The following TARBP1 variants were observed in gnomAD, a reference collection of about 807,000 sequenced individuals.
TARBP1 encodes the protein tRNA guanosine 2 -O-methyltransferase TARBP1.
A neutral mutation model predicts 178.6 loss-of-function variants in TARBP1; 144 were observed. The observed-to-expected ratio is 0.81, with a 90% CI of 0.70 to 0.93. The LOEUF (loss-of-function observed/expected upper bound fraction) is 0.93. TARBP1 is among the 40% of genes least tolerant of loss of function. TARBP1 has a pLI of 0.00. For synonymous variants in TARBP1, 787 were observed against 781.0 expected (o/e 1.01, Z -0.13); for missense variants, 2,067 against 2,011.7 (o/e 1.03, Z -0.53).
intron 12 of TARBP1, among the ~76,000 whole-genome samples, chr1:234,440,860 TG>T (rs1177531942): frequency 1.3e-5 from 2 of 152,120 alleles, no homozygotes; most frequent in Non-Finnish European, 2.9e-5. Context: ...ACTGTAAAAC[TG>T]ATGAAAAAAA....
chr1:234,398,309 C>A, intron 26 of TARBP1, 73 bp downstream of exon 26: 3 of 1,317,108 alleles, frequency 2.3e-6, no homozygotes, highest in South Asian at 1.6e-5. Flanking sequence ...AACTACCTGT[C>A]CTTAGTAACT....
At position 234,440,077 on chromosome 1, in the gene TARBP1, T is replaced by C. The variant is rs75543514; in HGVS notation, c.2135-2705A>G. ...ACAATGTAATTAAATTAGAAAGCAG[T>C]AACTAGGAAAGTCTCCAAAGATGTT... is the stretch of plus-strand genomic sequence containing the variant. On this transcript the variant is annotated intron_variant, in intron 12 of 29. Transcript: ENST00000040877. 4.6e-4 allele frequency among the ~76,000 whole-genome samples: 70 copies of C among 152,182 alleles called. No homozygotes were observed. In the East Asian group the frequency reaches 0.013, roughly 27 times the overall value.
At chr1:234,473,362 A>G (rs12075635) in intron 1 of TARBP1, among the ~76,000 whole-genome samples, 1 of 152,240 alleles carries the variant, frequency 6.6e-6, no homozygotes, top group Non-Finnish European at 1.5e-5. Context: ...TCACATCCCC[A>G]GGCCACTTTC....
Position 234,406,207 on chromosome 1 carries a change from C to T in TARBP1, c.3793-108G>A, listed in dbSNP as rs1373353774. On this transcript the variant is annotated intron_variant, in intron 23 of 29. Coordinates refer to ENST00000040877, the MANE Select transcript of TARBP1 (RefSeq NM_005646.4). ...AATGATACAACTGCTCCTAGTAAAA[C>T]TTCTTCCACTGGCTTTGCTACCAGG... 3.0e-6 allele frequency: 3 copies of T among 991,976 alleles called. No homozygotes were observed. The East Asian group carries it at 7.6e-5, about 25-fold the overall frequency. 61.4% of individuals were successfully genotyped at this position (991,976 alleles called of 1,614,324 possible).
intron 20 of TARBP1, among the ~76,000 whole-genome samples, chr1:234,423,780 C>T (rs1318407758): frequency 7.0e-6 from 1 of 143,082 alleles, no homozygotes; most frequent in Admixed American, 7.3e-5. Flanking sequence ...GAGACGTAGT[C>T]TCACTCACTG....
chr1:234,458,967 C>G (rs1667569056), intron 8 of TARBP1, among the ~76,000 whole-genome samples: 1 of 152,166 alleles, frequency 6.6e-6, no homozygotes, highest in African/African-American at 2.4e-5. Context: ...TCAGCATAAA[C>G]CACATTGAAC....
At chr1:234,396,504 T>C (rs1299923937) in intron 26 of TARBP1, among the ~76,000 whole-genome samples, 1 of 152,212 alleles carries the variant, frequency 6.6e-6, no homozygotes, top group African/African-American at 2.4e-5. Flanking sequence ...GTACTTCTAC[T>C]ACCAGACACT....
intron 12 of TARBP1, among the ~76,000 whole-genome samples, chr1:234,442,869 A>G (rs1665733300): frequency 2.0e-5 from 3 of 152,144 alleles, no homozygotes; most frequent in African/African-American, 7.2e-5. Flanking sequence ...GGCTCCTCTT[A>G]ATTACCGCAA....
At chr1:234,465,747 T>A in intron 4 of TARBP1, 39 bp from the exon 5 acceptor site, 1 of 1,514,090 alleles carries the variant, frequency 6.6e-7, no homozygotes, top group Non-Finnish European at 8.8e-7. Flanking sequence ...AATTGAAACT[T>A]AGTTGTAAAT....
intron 13 of TARBP1, among the ~76,000 whole-genome samples, chr1:234,435,550 A>G (rs1472434207): frequency 1.3e-5 from 2 of 152,240 alleles, no homozygotes; most frequent in Non-Finnish European, 2.9e-5. Context: ...ATTCAGGAGA[A>G]AAGTAGTAGT....
Position 234,406,022 on chromosome 1 carries a change from A to G in TARBP1, c.3870T>C (p.Ala1290=), listed in dbSNP as rs1287870895. The G allele has an allele frequency of 6.2e-7, 1 of 1,614,222 alleles. No individual in the cohort carries two copies. Among genetic ancestry groups the G allele is most frequent in the Admixed American group, 1.7e-5 (1 of 60,032 alleles). ...TCCAGAGTTTCTTAAGAGCAACTAAAGCATACAGTCGAACACTAAAATTGT... is the reference window on the plus strand; with the variant it reads ...TCCAGAGTTTCTTAAGAGCAACTAAGGCATACAGTCGAACACTAAAATTGT... The part of the protein sequence containing the change: ...FNHNFSVRLY[A]LVALKKLWTV... The change falls in exon 24 of 30, where the codon GCT becomes GCC. Residue 1290 remains alanine, a synonymous_variant. Coordinates refer to ENST00000040877, the MANE Select transcript of TARBP1 (RefSeq NM_005646.4).
rs75479682 is a variant in TARBP1 at position 234,470,400 on chromosome 1, T to C, written c.1099+788A>G. On this transcript the variant is annotated intron_variant, in intron 3 of 29. Coordinates refer to ENST00000040877, the MANE Select transcript of TARBP1 (RefSeq NM_005646.4). ...GATAAAATGATAGGATATCTAGGGA[T>C]GTGCTTCAAAACCATTTAGCAAGAA... Among the ~76,000 whole-genome samples the C allele has an allele frequency of 2.8e-3, 421 of 152,248 alleles. 3 individuals carry two copies. Among genetic ancestry groups the C allele is most frequent in the African/African-American group, 9.9e-3 (411 of 41,562 alleles).
intron 1 of TARBP1, among the ~76,000 whole-genome samples, chr1:234,474,229 G>A (rs1041292563): frequency 1.4e-5 from 2 of 145,516 alleles, no homozygotes; most frequent in African/African-American, 5.2e-5. Context: ...GGGCAAGAGC[G>A]AGGATTTGTC....
chr1:234,410,649 A>G, intron 22 of TARBP1, 118 bp from the exon 23 acceptor site: 2 of 630,328 alleles, frequency 3.2e-6, no homozygotes, highest in Non-Finnish European at 5.7e-6. Context: ...CTTCCCTGGA[A>G]CAGCCCGGGG....
At chr1:234,397,229 G>T (rs1362374521) in intron 26 of TARBP1, among the ~76,000 whole-genome samples, 1 of 13,712 alleles carries the variant, frequency 7.3e-5, no homozygotes, top group Non-Finnish European at 1.6e-4. Flanking sequence ...AGGGGGAGGA[G>T]GGGGGAAGGG....
At chr1:234,458,006 TAAA>T (rs56105144) in intron 8 of TARBP1, among the ~76,000 whole-genome samples, 9 of 143,614 alleles carry the variant, frequency 6.3e-5, no homozygotes, top group Non-Finnish European at 1.2e-4. Flanking sequence ...GTCACAATCT[TAAA>T]AAAAAAAAAA....
At chr1:234,419,459 A>G (rs544462041) in intron 21 of TARBP1, among the ~76,000 whole-genome samples, 5 of 152,298 alleles carry the variant, frequency 3.3e-5, no homozygotes, top group African/African-American at 9.6e-5. Context: ...CAAAATGAGA[A>G]TATGTATGGC....
intron 23 of TARBP1, among the ~76,000 whole-genome samples, chr1:234,409,153 G>T (rs1372686419): frequency 6.7e-6 from 1 of 149,038 alleles, no homozygotes; most frequent in African/African-American, 2.5e-5. Flanking sequence ...TGTCAAGTCA[G>T]TTTTTTTTTT....
intron 2 of TARBP1, among the ~76,000 whole-genome samples, chr1:234,471,744 T>C (rs1274826645): frequency 6.6e-6 from 1 of 152,224 alleles, no homozygotes; most frequent in Non-Finnish European, 1.5e-5. Flanking sequence ...AATTTGGGTT[T>C]CTAAATAAAT....
Sources: gnomAD v4.1 joint callset for allele counts (sites outside exome capture counted in the v4.1 genomes callset) on GRCh38, gnomAD v4.1.1 for gene constraint, MANE v1.5 for transcripts, NCBI Gene and HGNC (gene_info 2026-07-23, HGNC 2026-07-21) for gene names.